MAMDC2: variants seen among roughly 807,000 people sequenced by gnomAD.
MAMDC2 encodes MAM domain-containing protein 2.
A neutral mutation model predicts 89.8 loss-of-function variants in MAMDC2; 57 were observed. The observed-to-expected ratio is 0.63, with a 90% CI of 0.51 to 0.79. The LOEUF is 0.79. Among genes scored for constraint, MAMDC2 ranks in the 30% least tolerant of loss-of-function variants. MAMDC2 has a pLI of 0.00. For synonymous variants in MAMDC2, 313 were observed against 293.4 expected, an observed-to-expected ratio of 1.07 and a Z score of -0.68; for missense variants, 800 against 820.6, an observed-to-expected ratio of 0.97 and a Z score of 0.31.
chr9:70,206,930 TCATC>T (rs2033237911), intron 11 of MAMDC2, among the ~76,000 whole-genome samples: 1 of 152,152 alleles, frequency 6.6e-6, no homozygotes, highest in Non-Finnish European at 1.5e-5. Flanking sequence ...GTTTCCAGCT[TCATC>T]CATGTCCCTA....
At chr9:70,084,463 G>A (rs1052786866) in intron 2 of MAMDC2, among the ~76,000 whole-genome samples, 1 of 152,020 alleles carries the variant, frequency 6.6e-6, no homozygotes, top group African/African-American at 2.4e-5. Flanking sequence ...CTGGTTCCAC[G>A]TCATCATGCC....
At position 70,070,362 on chromosome 9, in the gene MAMDC2, C is replaced by T. The variant is rs868461392; in HGVS notation, c.148+25665C>T. Among the ~76,000 whole-genome samples, 7 of 152,296 alleles carry T rather than the reference C, an allele frequency of 4.6e-5. 1 individual carries two copies. The South Asian group carries it at 1.2e-3, about 27-fold the overall frequency. ...GAAAATTTGGCTCAGTCCTTATCAA[C>T]AGTTTGAGGAATCACCCTCTTTTTT... On this transcript the variant is annotated intron_variant, in intron 2 of 13. Coordinates refer to ENST00000377182, the MANE Select transcript of MAMDC2 (RefSeq NM_153267.5).
intron 9 of MAMDC2, among the ~76,000 whole-genome samples, chr9:70,160,702 C>T (rs535248114): frequency 3.3e-5 from 5 of 152,116 alleles, no homozygotes; most frequent in African/African-American, 1.2e-4. Flanking sequence ...GTGAGAAGGA[C>T]GTGGCTGAGG....
At chr9:70,211,544 T>C (rs918852700) in intron 11 of MAMDC2, among the ~76,000 whole-genome samples, 13 of 152,142 alleles carry the variant, frequency 8.5e-5, no homozygotes, top group Non-Finnish European at 1.8e-4. Flanking sequence ...TTTTTCAAGG[T>C]TTTTAGCTTC....
intron 11 of MAMDC2, among the ~76,000 whole-genome samples, chr9:70,180,068 G>A (rs547385802): frequency 1.3e-5 from 2 of 148,474 alleles, no homozygotes; most frequent in African/African-American, 2.5e-5. Flanking sequence ...CTGTGTCCAC[G>A]TGTTATCATT....
chr9:70,162,584 G>A (rs566429159), intron 9 of MAMDC2, among the ~76,000 whole-genome samples: 6 of 151,738 alleles, frequency 4.0e-5, no homozygotes, highest in East Asian at 3.9e-4. Context: ...TCAACCTCCC[G>A]GGCCGAGGTG....
intron 9 of MAMDC2, among the ~76,000 whole-genome samples, chr9:70,149,817 C>T (rs1587516174): frequency 6.6e-6 from 1 of 152,138 alleles, no homozygotes; most frequent in East Asian, 1.9e-4. Context: ...AAGAAGAGAG[C>T]AATAAGAAAG....
intron 8 of MAMDC2, among the ~76,000 whole-genome samples, chr9:70,141,737 G>C (rs2031229952): frequency 6.6e-6 from 1 of 152,188 alleles, no homozygotes; most frequent in African/African-American, 2.4e-5. Context: ...AAATTGCGGA[G>C]AAGTAGCAAG....
chr9:70,220,920 A>C (rs768262555), intron 12 of MAMDC2, among the ~76,000 whole-genome samples: 3 of 152,164 alleles, frequency 2.0e-5, no homozygotes, highest in Non-Finnish European at 2.9e-5. Flanking sequence ...AGGGTTTTAT[A>C]AACTTTAAAG....
chr9:70,114,938 G>A (rs141419095), intron 5 of MAMDC2, among the ~76,000 whole-genome samples: 1 of 152,266 alleles, frequency 6.6e-6, no homozygotes, highest in East Asian at 1.9e-4. Context: ...CTGTATTTCG[G>A]GGATGGGTAT....
intron 5 of MAMDC2, among the ~76,000 whole-genome samples, chr9:70,119,415 A>G (rs1203887308): frequency 1.3e-5 from 2 of 152,172 alleles, no homozygotes; most frequent in Non-Finnish European, 2.9e-5. Context: ...AATGAGCAAG[A>G]GTCATTTTAA....
At position 70,044,040 on chromosome 9, in the gene MAMDC2, A is replaced by G; in HGVS notation, c.-158A>G. 1.2e-6 allele frequency: 1 copy of G among 814,826 alleles called. No homozygotes were observed. Among genetic ancestry groups the G allele is most frequent in the East Asian group, 2.6e-5 (1 of 37,828 alleles). The allele number at this position is 814,826 out of a possible 1,614,324, so 50.5% of individuals were successfully genotyped here. A position where few individuals can be genotyped will look rare whatever the true frequency, so the allele number is the denominator to read the frequency against. ...CGCTCGGCTCCGGGAGCCGCTCTGC[A>G]AAGTTGGGCAGCTCAGAGCGCAAGC... On this transcript the variant is annotated 5_prime_UTR_variant, in exon 1 of 14. Transcript: ENST00000377182.
intron 9 of MAMDC2, among the ~76,000 whole-genome samples, chr9:70,144,688 G>C (rs1230776624): frequency 6.6e-6 from 1 of 152,222 alleles, no homozygotes; most frequent in Non-Finnish European, 1.5e-5. Context: ...ATGAAGGAAG[G>C]AAGGAATGAA....
chr9:70,079,159 A>G (rs1414351718), intron 2 of MAMDC2: 4 of 152,130 alleles, frequency 2.6e-5, no homozygotes, highest in Non-Finnish European at 4.4e-5. Context: ...TCTGATGCAC[A>G]CTCATTGGTA....
chr9:70,110,559 G>A (rs1164772598), intron 4 of MAMDC2, among the ~76,000 whole-genome samples: 2 of 152,194 alleles, frequency 1.3e-5, no homozygotes, highest in Non-Finnish European at 2.9e-5. Context: ...AAACAGGGCA[G>A]GTTCAGGCAA....
intron 9 of MAMDC2, 31 bp downstream of exon 9, chr9:70,143,850 T>G (rs59725916): frequency 2.8e-5 from 45 of 1,604,482 alleles, no homozygotes; most frequent in Non-Finnish European, 3.4e-5. Context: ...CCTGTGTCCA[T>G]GTTCAGTTGC....
At chr9:70,138,906 C>A (rs1320303387) in intron 7 of MAMDC2, among the ~76,000 whole-genome samples, 1 of 152,100 alleles carries the variant, frequency 6.6e-6, no homozygotes, top group African/African-American at 2.4e-5. Flanking sequence ...AAGTAGACAT[C>A]AGCTGTGCTT....
At chr9:70,187,318 C>T (rs1927144) in intron 11 of MAMDC2, among the ~76,000 whole-genome samples, 1 of 151,848 alleles carries the variant, frequency 6.6e-6, no homozygotes, top group Non-Finnish European at 1.5e-5. Context: ...GGTATTTTCT[C>T]TTGGCCAATT....
intron 12 of MAMDC2, among the ~76,000 whole-genome samples, chr9:70,221,364 T>G (rs1453506534): frequency 1.2e-3 from 10 of 8,426 alleles, no homozygotes; most frequent in African/African-American, 3.7e-3. Context: ...CAAATATATA[T>G]ATATATATAT....
Sources: allele counts gnomAD v4.1 joint callset (sites outside exome capture counted in the v4.1 genomes callset), GRCh38; gene constraint gnomAD v4.1.1; transcripts MANE v1.5; gene names NCBI Gene and HGNC (gene_info 2026-07-23, HGNC 2026-07-21).